GOLGA4: variants seen among roughly 807,000 people sequenced by gnomAD.
GOLGA4 encodes the protein golgin subfamily A member 4.
GOLGA4 carries 169 observed loss-of-function variants against 265.9 expected under a neutral mutation model. The ratio of observed to expected loss-of-function variants is 0.64; its 90% confidence interval spans 0.56 to 0.72. The LOEUF (loss-of-function observed/expected upper bound fraction) is 0.72. GOLGA4 is among the 30% of genes least tolerant of loss of function. The pLI, the probability that GOLGA4 is intolerant of heterozygous loss-of-function variation, is 0.00. For synonymous variants in GOLGA4, 923 were observed against 855.8 expected, an observed-to-expected ratio of 1.08 and a Z score of -1.37; for missense variants, 2,482 against 2,483.4, an observed-to-expected ratio of 1.00 and a Z score of 0.01.
chr3:37,359,495 T>C (rs1295259147), intron 22 of GOLGA4, among the ~76,000 whole-genome samples: 2 of 152,204 alleles, frequency 1.3e-5, no homozygotes, highest in African/African-American at 4.8e-5. Context: ...TGGACATCAC[T>C]GTTTTCTTGA....
chr3:37,343,170 G>A (rs1407130377), intron 20 of GOLGA4, among the ~76,000 whole-genome samples: 1 of 152,164 alleles, frequency 6.6e-6, no homozygotes, highest in Non-Finnish European at 1.5e-5. Context: ...TGCCCATGCT[G>A]GAGCGCAATG....
intron 21 of GOLGA4, among the ~76,000 whole-genome samples, chr3:37,353,496 A>G (rs2097081237): frequency 6.6e-6 from 1 of 152,044 alleles, no homozygotes; most frequent in African/African-American, 2.4e-5. Context: ...GGGTTTTTGT[A>G]AAATGCCTTT....
rs755322819 is a variant in GOLGA4, at chr3:37,299,339, A to G, written c.1054A>G (p.Lys352Glu). 1.9e-6 allele frequency: 3 copies of G among 1,613,240 alleles called. No individual in the cohort carries two copies. The highest frequency in any genetic ancestry group is 3.3e-5 in the Admixed American group (2 of 59,992). ...ACTTATCACTCAGTTGCGTGATGCA[A>G]AGAACTTAATTGAACAGCTTGAACA... The part of the protein sequence containing the change: ...TKLITQLRDA[K>E]NLIEQLEQDK... Residue 352 changes from lysine (K) to glutamate (E), a missense_variant, in exon 9 of 24, where the codon AAG (lysine) becomes GAG (glutamate). Transcript: ENST00000361924.
At chr3:37,336,849 T>TCA (rs1290645702) in intron 17 of GOLGA4, among the ~76,000 whole-genome samples, 2 of 152,132 alleles carry the variant, frequency 1.3e-5, no homozygotes, top group Non-Finnish European at 2.9e-5. Flanking sequence ...TTATTTCTAC[T>TCA]CAACATTTTT....
intron 10 of GOLGA4, among the ~76,000 whole-genome samples, chr3:37,309,272 T>G (rs905846007): frequency 2.0e-5 from 3 of 148,432 alleles, no homozygotes; most frequent in Middle Eastern, 3.8e-3. Context: ...ATAACAATTA[T>G]AGGCCGGGCG....
intron 2 of GOLGA4, among the ~76,000 whole-genome samples, chr3:37,259,295 TC>T (rs2096762905): frequency 6.6e-6 from 1 of 152,196 alleles, no homozygotes; most frequent in South Asian, 2.1e-4. Context: ...ATATCTTGAG[TC>T]CCTCTGTAAG....
At chr3:37,261,370 TG>T (rs2096769536) in intron 2 of GOLGA4, among the ~76,000 whole-genome samples, 1 of 152,158 alleles carries the variant, frequency 6.6e-6, no homozygotes, top group African/African-American at 2.4e-5. Context: ...GACATGTATC[TG>T]AGTTCACAAA....
intron 10 of GOLGA4, among the ~76,000 whole-genome samples, chr3:37,306,999 C>T (rs1479458049): frequency 6.6e-6 from 1 of 152,042 alleles, no homozygotes; most frequent in Non-Finnish European, 1.5e-5. Context: ...AAAAAAGTAA[C>T]CCATGCCACA....
At chr3:37,298,411 C>T (rs536250827) in intron 7 of GOLGA4, among the ~76,000 whole-genome samples, 3 of 152,172 alleles carry the variant, frequency 2.0e-5, no homozygotes, top group South Asian at 2.1e-4. Flanking sequence ...GCCAATTTAT[C>T]GATCTGGGTG....
rs71094906 is a variant in GOLGA4 at position 37,362,780 on chromosome 3, CTTT to C, written c.*33+1493_*33+1495del. Among the ~76,000 whole-genome samples the C allele has an allele frequency of 4.0e-5, 3 of 75,452 alleles. No individual in the cohort carries two copies. The South Asian group carries it at 1.1e-3, about 27-fold the overall frequency. 49.5% of individuals were successfully genotyped at this position (75,452 alleles called of 152,430 possible). On this transcript the variant is annotated intron_variant, in intron 23 of 23. Coordinates refer to ENST00000361924, the MANE Select transcript of GOLGA4 (RefSeq NM_002078.5). ...CGATCTTCCTACCTCAGCCTCTAAGCTTTTTTTTTTTTTTTTTTTTGAGACGGA... is the reference window on the plus strand; with the variant it reads ...CGATCTTCCTACCTCAGCCTCTAAGCTTTTTTTTTTTTTTTTTGAGACGGA...
chr3:37,292,138 A>G (rs938398005), intron 5 of GOLGA4, among the ~76,000 whole-genome samples: 1 of 152,186 alleles, frequency 6.6e-6, no homozygotes, highest in Non-Finnish European at 1.5e-5. Context: ...TCTGAAAACT[A>G]TAGTATAAAT....
chr3:37,357,117 G>C (rs894093718), intron 22 of GOLGA4, among the ~76,000 whole-genome samples: 2 of 152,066 alleles, frequency 1.3e-5, no homozygotes, highest in African/African-American at 4.8e-5. Flanking sequence ...AAGAGTCTTT[G>C]AAAAACAGAC....
rs2096979058 is a variant in GOLGA4, at chr3:37,328,324, C to G, written c.5940-92C>G. ...CTCAAAAATGTTTTCATACAATGAACTCATACTGTATGCACTGTTTTAAAG... is the reference window on the plus strand; with the variant it reads ...CTCAAAAATGTTTTCATACAATGAAGTCATACTGTATGCACTGTTTTAAAG... On this transcript the variant is annotated intron_variant, in intron 14 of 23. Transcript: ENST00000361924. 6.6e-6 allele frequency: 8 copies of G among 1,205,502 alleles called. No individual in the cohort carries two copies. In the South Asian group the frequency reaches 1.0e-4, roughly 15 times the overall value. 74.7% of individuals were successfully genotyped at this position (1,205,502 alleles called of 1,614,324 possible). A position where few individuals can be genotyped will look rare whatever the true frequency, so the allele number is the denominator to read the frequency against.
intron 3 of GOLGA4, 52 bp downstream of exon 3, chr3:37,282,324 C>T (rs753001767): frequency 1.5e-6 from 2 of 1,298,252 alleles, no homozygotes; most frequent in Non-Finnish European, 2.2e-6. Context: ...CTTGTTCTCT[C>T]ATTCATATTA....
At chr3:37,248,834 T>C (rs1438932303) in intron 1 of GOLGA4, among the ~76,000 whole-genome samples, 1 of 152,170 alleles carries the variant, frequency 6.6e-6, no homozygotes, top group Non-Finnish European at 1.5e-5. Flanking sequence ...TGCAGTGAGG[T>C]ATACTTTTTA....
intron 23 of GOLGA4, among the ~76,000 whole-genome samples, chr3:37,364,256 T>G (rs1350832689): frequency 6.6e-6 from 1 of 152,182 alleles, no homozygotes; most frequent in Non-Finnish European, 1.5e-5. Flanking sequence ...TTTTTTATAT[T>G]TGAGACGGAG....
chr3:37,345,811 G>A (rs1408140447), intron 20 of GOLGA4, among the ~76,000 whole-genome samples: 2 of 152,078 alleles, frequency 1.3e-5, no homozygotes. Context: ...GCCAGGCATG[G>A]TGGTGCACAC....
intron 21 of GOLGA4, among the ~76,000 whole-genome samples, chr3:37,354,242 A>G (rs1181506583): frequency 1.3e-5 from 2 of 152,042 alleles, no homozygotes; most frequent in Non-Finnish European, 2.9e-5. Context: ...CTATGTAACT[A>G]TGATCAAGGA....
intron 10 of GOLGA4, among the ~76,000 whole-genome samples, chr3:37,303,520 A>C (rs534618286): frequency 1.3e-5 from 2 of 152,284 alleles, no homozygotes; most frequent in Admixed American, 1.3e-4. Flanking sequence ...TAAATGGGGA[A>C]GTTGAGAATT....
Sources: allele counts gnomAD v4.1 joint callset (sites outside exome capture counted in the v4.1 genomes callset), GRCh38; gene constraint gnomAD v4.1.1; transcripts MANE v1.5; gene names NCBI Gene and HGNC (gene_info 2026-07-23, HGNC 2026-07-21).